HPSE2: variants seen among roughly 807,000 people sequenced by gnomAD.
HPSE2 encodes the protein heparanase 2 (inactive).
In HPSE2, 38 loss-of-function variants were observed where a neutral mutation model predicts 60.5. The observed-to-expected ratio is 0.63, with a 90% CI of 0.48 to 0.82. The LOEUF (loss-of-function observed/expected upper bound fraction) is 0.82, where lower values mean the gene tolerates loss of function less well. Among genes scored for constraint, HPSE2 ranks in the 40% least tolerant of loss-of-function variants. The pLI, the probability that HPSE2 is intolerant of heterozygous loss-of-function variation, is 0.00. For synonymous variants in HPSE2, 295 were observed against 293.2 expected (o/e 1.01, Z -0.06); for missense variants, 713 against 740.4 (o/e 0.96, Z 0.43).
At chr10:98,527,844 C>A (rs192838131) in intron 9 of HPSE2, among the ~76,000 whole-genome samples, 8 of 152,206 alleles carry the variant, frequency 5.3e-5, no homozygotes, top group African/African-American at 1.9e-4. Context: ...CTGCTGTGCC[C>A]AGCATGTTTA....
At chr10:98,942,639 T>C (rs12266229) in intron 3 of HPSE2, among the ~76,000 whole-genome samples, 22,546 of 152,108 alleles carry the variant, frequency 0.15, 2,460 homozygotes, top group African/African-American at 0.3. Context: ...GGTGGGACTG[T>C]CAACTAGTTC....
chr10:98,635,948 T>C (rs899050672), intron 7 of HPSE2, among the ~76,000 whole-genome samples: 3 of 152,146 alleles, frequency 2.0e-5, no homozygotes, highest in African/African-American at 7.2e-5. Context: ...ATACCACATA[T>C]GTTCTTGTTC....
intron 3 of HPSE2, among the ~76,000 whole-genome samples, chr10:98,980,739 T>C (rs1956186763): frequency 6.6e-6 from 1 of 152,182 alleles, no homozygotes; most frequent in Non-Finnish European, 1.5e-5. Context: ...TATGGAAGTA[T>C]GGACGCTTTC....
chr10:98,828,200 A>G (rs1388724205), intron 3 of HPSE2, among the ~76,000 whole-genome samples: 1 of 152,186 alleles, frequency 6.6e-6, no homozygotes. Context: ...TCTCTGTAGA[A>G]CCGTAACTAA....
chr10:98,750,154 G>A (rs889525938), intron 3 of HPSE2, among the ~76,000 whole-genome samples: 25 of 151,956 alleles, frequency 1.6e-4, no homozygotes, highest in Non-Finnish European at 3.5e-4. Context: ...AAAGAAGGGA[G>A]CAAGTCAAGT....
intron 2 of HPSE2, among the ~76,000 whole-genome samples, chr10:99,200,299 T>C (rs1848533435): frequency 6.6e-6 from 1 of 152,144 alleles, no homozygotes. Flanking sequence ...CCTGGAAACA[T>C]GACATCAAAC....
intron 9 of HPSE2, among the ~76,000 whole-genome samples, chr10:98,546,223 A>G (rs1354855473): frequency 2.2e-5 from 3 of 139,074 alleles, no homozygotes; most frequent in Non-Finnish European, 4.9e-5. Context: ...AAATGGCCAT[A>G]CTACCCAAGG....
chr10:98,857,432 G>A (rs377728549), intron 3 of HPSE2, among the ~76,000 whole-genome samples: 85 of 152,278 alleles, frequency 5.6e-4, no homozygotes, highest in Middle Eastern at 3.4e-3. Context: ...GAAACAGTAT[G>A]ATCTTCTAGA....
At chr10:99,029,864 C>CG (rs1190023270) in intron 3 of HPSE2, among the ~76,000 whole-genome samples, 3 of 152,160 alleles carry the variant, frequency 2.0e-5, no homozygotes, top group Non-Finnish European at 4.4e-5. Context: ...TAAACTCCCC[C>CG]GGGGGAAAAG....
the HPSE2 span, among the ~76,000 whole-genome samples, chr10:99,312,234 G>A: frequency 2.7e-3 from 416 of 152,308 alleles, 1 homozygote; most frequent in African/African-American, 9.7e-3. Flanking sequence ...TACACTAATC[G>A]ACAGATTTTC....
chr10:99,264,089 CTTTTTCTTTTTT>C, the HPSE2 span, among the ~76,000 whole-genome samples: 1 of 151,584 alleles, frequency 6.6e-6, no homozygotes, highest in Non-Finnish European at 1.5e-5. Context: ...TTTTCTTTTT[CTTTTTCTTTTTT>C]TTTTGAGATG....
intron 3 of HPSE2, among the ~76,000 whole-genome samples, chr10:98,986,076 A>T (rs1218259010): frequency 6.6e-6 from 1 of 152,216 alleles, no homozygotes; most frequent in African/African-American, 2.4e-5. Context: ...GACACTAGAC[A>T]GATCAACGAG....
At chr10:98,695,617 C>G (rs534519752) in intron 5 of HPSE2, among the ~76,000 whole-genome samples, 3 of 152,270 alleles carry the variant, frequency 2.0e-5, no homozygotes, top group Admixed American at 6.5e-5. Flanking sequence ...AAGTACATCT[C>G]CTAACACTCC....
At chr10:99,052,433 T>C (rs1449966089) in intron 3 of HPSE2, among the ~76,000 whole-genome samples, 1 of 144,006 alleles carries the variant, frequency 6.9e-6, no homozygotes, top group African/African-American at 2.6e-5. Flanking sequence ...GTTAACAATA[T>C]CAAATAGTTG....
At chr10:98,982,020 T>C (rs1055125596) in intron 3 of HPSE2, among the ~76,000 whole-genome samples, 6 of 152,066 alleles carry the variant, frequency 3.9e-5, no homozygotes, top group South Asian at 2.1e-4. Context: ...ATTATTACTA[T>C]GAGAAAATAG....
At chr10:98,729,132 T>C (rs1565117137) in intron 4 of HPSE2, among the ~76,000 whole-genome samples, 1 of 151,376 alleles carries the variant, frequency 6.6e-6, no homozygotes, top group Non-Finnish European at 1.5e-5. Context: ...ACGAGATAAA[T>C]GGAAAACAGC....
chr10:98,704,677 T>C (rs1948500420), intron 5 of HPSE2, among the ~76,000 whole-genome samples: 1 of 152,168 alleles, frequency 6.6e-6, no homozygotes, highest in Non-Finnish European at 1.5e-5. Flanking sequence ...CCCTATTTAA[T>C]ATATTGTGCT....
intron 3 of HPSE2, among the ~76,000 whole-genome samples, chr10:98,932,490 A>G (rs1379681394): frequency 6.9e-6 from 1 of 144,072 alleles, no homozygotes; most frequent in Non-Finnish European, 1.5e-5. Context: ...TCATAAAATG[A>G]GTTAGAGGGG....
In HPSE2 at chr10:98,693,887, G is replaced by C; in HGVS notation, c.1004+13C>G. On this transcript the variant is annotated intron_variant, in intron 6 of 11. Coordinates refer to ENST00000370552, the MANE Select transcript of HPSE2 (RefSeq NM_021828.5). ...GCTGATAATAAGTAAGAGCAAAAAT[G>C]GTGAATACCTACTGTTGCCAGGTAA... The C allele has an allele frequency of 6.2e-7, 1 of 1,600,852 alleles. No homozygotes were observed. Among genetic ancestry groups the C allele is most frequent in the Non-Finnish European group, 8.6e-7 (1 of 1,167,944 alleles).
Sources: allele counts gnomAD v4.1 joint callset (sites outside exome capture counted in the v4.1 genomes callset), GRCh38; gene constraint gnomAD v4.1.1; transcripts MANE v1.5; gene names NCBI Gene and HGNC (gene_info 2026-07-23, HGNC 2026-07-21).